The following ROBO1 variants were observed in gnomAD, a reference collection of about 807,000 sequenced individuals.
The protein encoded by ROBO1 is roundabout homolog 1.
Under a neutral mutation model 195.9 loss-of-function variants are expected in ROBO1, and 149 were observed. The ratio of observed to expected loss-of-function variants is 0.76; its 90% CI spans 0.67 to 0.87. The LOEUF (loss-of-function observed/expected upper bound fraction) is 0.87. ROBO1 is among the 40% of genes least tolerant of loss of function. ROBO1 has a pLI of 0.00. For missense variants in ROBO1, 1,933 were observed against 2,068.3 expected (o/e 0.93, Z 1.27); for synonymous variants, 816 against 733.2 (o/e 1.11, Z -1.82).
chr3:78,999,825 T>G (rs2077456611), intron 3 of ROBO1, among the ~76,000 whole-genome samples: 1 of 152,140 alleles, frequency 6.6e-6, no homozygotes, highest in African/African-American at 2.4e-5. Context: ...ATTTTTCTTC[T>G]CTCTGCCTAT....
intron 2 of ROBO1, among the ~76,000 whole-genome samples, chr3:79,142,465 C>T (rs371393725): frequency 6.5e-4 from 99 of 152,248 alleles, no homozygotes; most frequent in African/African-American, 2.3e-3. Context: ...ACTGCACCAA[C>T]TAATTCCTTC....
chr3:79,744,113 AT>A (rs141124614), intron 1 of ROBO1, among the ~76,000 whole-genome samples: 2 of 152,192 alleles, frequency 1.3e-5, no homozygotes, highest in Admixed American at 1.3e-4. Context: ...AGTGCAGTAA[AT>A]TTTTTTACAT....
rs1169931629 is a variant in ROBO1, at chr3:78,880,525, T to C, written c.499+58076A>G. 3.9e-5 allele frequency among the ~76,000 whole-genome samples: 6 copies of C among 152,180 alleles called. No individual in the cohort carries two copies. The East Asian group carries it at 7.7e-4, about 20-fold the overall frequency. The stretch of plus-strand genomic sequence containing the variant: ...ATAATAATAATCACAGACTCACTAA[T>C]TGAAAGAAAGGAGTAAATCAGTTAA... On this transcript the variant is annotated intron_variant, in intron 4 of 30. Transcript: ENST00000464233.
chr3:79,643,768 C>G (rs982309897), intron 1 of ROBO1, among the ~76,000 whole-genome samples: 3 of 151,848 alleles, frequency 2.0e-5, no homozygotes, highest in Non-Finnish European at 4.4e-5. Context: ...AAAAATACTA[C>G]CAGAGAAAAT....
At chr3:79,202,917 C>T (rs923698547) in intron 2 of ROBO1, among the ~76,000 whole-genome samples, 1 of 152,044 alleles carries the variant, frequency 6.6e-6, no homozygotes, top group Non-Finnish European at 1.5e-5. Flanking sequence ...TAATAGGATT[C>T]GCTTTTCTCC....
At chr3:79,695,352 A>G (rs1445671585) in intron 1 of ROBO1, among the ~76,000 whole-genome samples, 1 of 151,616 alleles carries the variant, frequency 6.6e-6, no homozygotes, top group Non-Finnish European at 1.5e-5. Flanking sequence ...AACCTCTTTG[A>G]CGATGTGAGT....
intron 17 of ROBO1, among the ~76,000 whole-genome samples, chr3:78,658,782 G>T (rs1415510699): frequency 6.6e-6 from 1 of 151,984 alleles, no homozygotes; most frequent in Non-Finnish European, 1.5e-5. Context: ...GAAATGCTCA[G>T]ACCCTATACC....
At chr3:78,874,023 T>C (rs1416249749) in intron 4 of ROBO1, among the ~76,000 whole-genome samples, 1 of 152,098 alleles carries the variant, frequency 6.6e-6, no homozygotes, top group African/African-American at 2.4e-5. Flanking sequence ...GAGGATTTTT[T>C]TTTTAATGAT....
intron 2 of ROBO1, among the ~76,000 whole-genome samples, chr3:79,462,957 T>G (rs1937731027): frequency 6.6e-6 from 1 of 152,222 alleles, no homozygotes; most frequent in Non-Finnish European, 1.5e-5. Flanking sequence ...ATCTAACACT[T>G]TTAAGATACA....
chr3:79,224,069 A>G (rs1224837126), intron 2 of ROBO1, among the ~76,000 whole-genome samples: 2 of 152,256 alleles, frequency 1.3e-5, no homozygotes, highest in African/African-American at 4.8e-5. Context: ...AACAAAAGAA[A>G]GATAAAAACA....
intron 4 of ROBO1, among the ~76,000 whole-genome samples, chr3:78,893,015 A>G (rs1442483860): frequency 6.6e-6 from 1 of 152,156 alleles, no homozygotes; most frequent in Non-Finnish European, 1.5e-5. Flanking sequence ...TACTGGCAGG[A>G]GGAAAGACCT....
chr3:79,021,051 T>C (rs1193014636), intron 3 of ROBO1, among the ~76,000 whole-genome samples: 3 of 152,190 alleles, frequency 2.0e-5, no homozygotes, highest in Non-Finnish European at 1.5e-5. Flanking sequence ...CGACATTTTG[T>C]GGAAACTCTG....
chr3:79,063,425 C>A (rs1365609516), intron 3 of ROBO1, among the ~76,000 whole-genome samples: 1 of 150,290 alleles, frequency 6.7e-6, no homozygotes, highest in Non-Finnish European at 1.5e-5. Flanking sequence ...CCTCAAATGA[C>A]TTCTCCATTT....
intron 2 of ROBO1, among the ~76,000 whole-genome samples, chr3:79,546,217 A>C (rs1942259443): frequency 6.6e-6 from 1 of 152,094 alleles, no homozygotes; most frequent in Non-Finnish European, 1.5e-5. Context: ...CGTTATTGCA[A>C]AAATACAGCA....
At chr3:78,919,623 C>T (rs973161818) in intron 4 of ROBO1, among the ~76,000 whole-genome samples, 1 of 152,198 alleles carries the variant, frequency 6.6e-6, no homozygotes, top group Non-Finnish European at 1.5e-5. Flanking sequence ...CCTGCCTGGA[C>T]ATGATCTCCC....
At chr3:79,031,935 G>T (rs1487541613) in intron 3 of ROBO1, among the ~76,000 whole-genome samples, 1 of 152,006 alleles carries the variant, frequency 6.6e-6, no homozygotes, top group Non-Finnish European at 1.5e-5. Flanking sequence ...TAGGGAGTTT[G>T]CAATTAATAT....
intron 2 of ROBO1, among the ~76,000 whole-genome samples, chr3:79,511,791 G>A (rs1940719932): frequency 6.6e-6 from 1 of 152,066 alleles, no homozygotes; most frequent in Non-Finnish European, 1.5e-5. Context: ...GGAGCTGGAG[G>A]CCATTATCCT....
At chr3:78,708,309 A>G (rs2081600589) in intron 8 of ROBO1, among the ~76,000 whole-genome samples, 1 of 152,164 alleles carries the variant, frequency 6.6e-6, no homozygotes, top group South Asian at 2.1e-4. Context: ...TAATTTAAAA[A>G]GCCACCAAGA....
chr3:79,486,670 G>T (rs1939175528), intron 2 of ROBO1, among the ~76,000 whole-genome samples: 1 of 152,136 alleles, frequency 6.6e-6, no homozygotes, highest in Non-Finnish European at 1.5e-5. Context: ...AGGGTTCGGG[G>T]CATACCTATA....
Sources: gnomAD v4.1 joint callset for allele counts (sites outside exome capture counted in the v4.1 genomes callset) on GRCh38, gnomAD v4.1.1 for gene constraint, MANE v1.5 for transcripts, NCBI Gene and HGNC (gene_info 2026-07-23, HGNC 2026-07-21) for gene names.